TJP1: variants seen among roughly 807,000 people sequenced by gnomAD.
The protein encoded by TJP1 is tight junction protein 1, also known as tight junction protein ZO-1.
A neutral mutation model predicts 194.2 loss-of-function variants in TJP1; 43 were observed. That is an observed-to-expected ratio of 0.22 (90% CI 0.17 to 0.29). The LOEUF (loss-of-function observed/expected upper bound fraction) is 0.29, where lower values mean the gene tolerates loss of function less well. Ranked by LOEUF, TJP1 falls within the 10% of genes least tolerant of loss-of-function variation. TJP1 has a pLI of 1.00. For missense variants in TJP1, 1,971 were observed against 2,185.7 expected, an observed-to-expected ratio of 0.90 and a Z score of 1.96; for synonymous variants, 801 against 779.0, an observed-to-expected ratio of 1.03 and a Z score of -0.47.
chr15:29,741,278 GAAT>G (rs1406074599), intron 10 of TJP1, 50 bp downstream of exon 10: 2 of 1,349,696 alleles, frequency 1.5e-6, no homozygotes, highest in African/African-American at 1.5e-5. Flanking sequence ...TTCCTACTCT[GAAT>G]AATGTTAATA....
chr15:29,716,252 G>A lies in TJP1; in HGVS notation c.4202+359C>T, dbSNP rs187792942. The stretch of plus-strand genomic sequence containing the variant: ...CTCAAACAGGATCCTCCTCACATCT[G>A]TATTTATATTTAAAAAATAAAAACA... On this transcript the variant is annotated intron_variant, in intron 23 of 27. Coordinates refer to ENST00000614355, the MANE Select transcript of TJP1 (RefSeq NM_001330239.4). Among the ~76,000 whole-genome samples, 3 of 152,230 alleles carry A rather than the reference G, an allele frequency of 2.0e-5. No individual in the cohort carries two copies. In the East Asian group the frequency reaches 5.8e-4, roughly 29 times the overall value.
intron 2 of TJP1, among the ~76,000 whole-genome samples, chr15:29,899,425 C>T (rs2053572465): frequency 6.6e-6 from 1 of 152,196 alleles, no homozygotes; most frequent in Non-Finnish European, 1.5e-5. Context: ...CTCCAATTTA[C>T]TTTCCTACTT....
intron 8 of TJP1, among the ~76,000 whole-genome samples, chr15:29,752,034 T>C (rs1372121090): frequency 6.6e-6 from 1 of 151,992 alleles, no homozygotes; most frequent in African/African-American, 2.4e-5. Flanking sequence ...AAGCAGGCGA[T>C]CCTTCCACCT....
At chr15:29,857,879 A>G (rs976129783) in intron 2 of TJP1, among the ~76,000 whole-genome samples, 25 of 152,202 alleles carry the variant, frequency 1.6e-4, no homozygotes, top group Non-Finnish European at 5.9e-5. Context: ...CTCCTGCCTC[A>G]GCCTCCGGAC....
chr15:29,937,231 C>T (rs1046395966), intron 2 of TJP1, among the ~76,000 whole-genome samples: 6 of 152,090 alleles, frequency 3.9e-5, no homozygotes, highest in African/African-American at 1.4e-4. Flanking sequence ...CAGGCAAAAA[C>T]AAATTAAAAA....
At chr15:29,873,690 G>A (rs2052602923) in intron 2 of TJP1, among the ~76,000 whole-genome samples, 1 of 152,178 alleles carries the variant, frequency 6.6e-6, no homozygotes, top group South Asian at 2.1e-4. Context: ...GGTATAAGAA[G>A]ACAGACTCCA....
At position 29,715,876 on chromosome 15, in the gene TJP1, ATC is replaced by A. The variant is rs1279061277; in HGVS notation, c.4202+733_4202+734del. Among the ~76,000 whole-genome samples, 3 of 152,188 alleles carry A rather than the reference ATC, an allele frequency of 2.0e-5. No homozygotes were observed. In the East Asian group the frequency reaches 5.8e-4, roughly 29 times the overall value. The stretch of plus-strand genomic sequence containing the variant: ...AATGAATTTCTTTTGACAAATCCAC[ATC>A]TGTTTTTGTTCTTGTGGGTTTTGTT... On this transcript the variant is annotated intron_variant, in intron 23 of 27. Transcript: ENST00000614355.
At chr15:29,901,520 A>G (rs1387565798) in intron 2 of TJP1, among the ~76,000 whole-genome samples, 6 of 152,218 alleles carry the variant, frequency 3.9e-5, no homozygotes, top group Non-Finnish European at 8.8e-5. Context: ...GATCCTTGGC[A>G]GTAAACAAGT....
intron 2 of TJP1, among the ~76,000 whole-genome samples, chr15:29,923,868 C>T (rs1468796073): frequency 6.6e-6 from 1 of 152,290 alleles, no homozygotes; most frequent in African/African-American, 2.4e-5. Context: ...GGAATGTTTG[C>T]GTGACCCCTG....
chr15:29,790,383 T>C (rs554265475), intron 2 of TJP1, among the ~76,000 whole-genome samples: 1 of 152,184 alleles, frequency 6.6e-6, no homozygotes, highest in South Asian at 2.1e-4. Flanking sequence ...TGTCCAAAGA[T>C]TTTAAAAATG....
intron 2 of TJP1, among the ~76,000 whole-genome samples, chr15:29,791,031 C>G (rs541663708): frequency 4.0e-5 from 6 of 151,698 alleles, no homozygotes; most frequent in Admixed American, 1.3e-4. Flanking sequence ...TTGATATACT[C>G]GTTTCCTTTT....
intron 8 of TJP1, among the ~76,000 whole-genome samples, chr15:29,750,691 T>C (rs894797922): frequency 2.0e-5 from 3 of 152,124 alleles, no homozygotes; most frequent in African/African-American, 7.2e-5. Flanking sequence ...AGGAAATAAA[T>C]GAAGCGCTGA....
At position 29,864,237 on chromosome 15, in the gene TJP1, CAAAAAAAAAAAAAAA is replaced by C. The variant is rs397975539; in HGVS notation, c.307-63550_307-63536del. Among the ~76,000 whole-genome samples, 133 of 18,950 alleles carry C rather than the reference CAAAAAAAAAAAAAAA, an allele frequency of 7.0e-3. 3 individuals carry two copies. The highest frequency in any genetic ancestry group is 0.019 in the African/African-American group (127 of 6,670). The allele number at this position is 18,950 out of a possible 152,430, so 12.4% of individuals were successfully genotyped here. A position where few individuals can be genotyped will look rare whatever the true frequency, so the allele number is the denominator to read the frequency against. The stretch of plus-strand genomic sequence containing the variant: ...TGAAACCCCGTCTCTACTAAAAATA[CAAAAAAAAAAAAAAA>C]AAAAAAAAAAAAGCTGGGTGTGGTG... On this transcript the variant is annotated intron_variant, in intron 2 of 28. Coordinates refer to the TJP1 transcript ENST00000356107.
chr15:29,836,625 A>G (rs992200891), intron 2 of TJP1, among the ~76,000 whole-genome samples: 1 of 152,162 alleles, frequency 6.6e-6, no homozygotes, highest in Non-Finnish European at 1.5e-5. Context: ...GACAAAAACC[A>G]TAACAACATA....
chr15:29,779,679 T>C (rs531092058), intron 2 of TJP1, among the ~76,000 whole-genome samples: 4 of 152,342 alleles, frequency 2.6e-5, no homozygotes, highest in African/African-American at 9.6e-5. Flanking sequence ...TTTCCCTTTA[T>C]AGAGACTCTT....
intron 2 of TJP1, among the ~76,000 whole-genome samples, chr15:29,943,273 T>A (rs2055147501): frequency 6.6e-6 from 1 of 152,226 alleles, no homozygotes; most frequent in Non-Finnish European, 1.5e-5. Context: ...TTTCCCTAAG[T>A]GTGCAATTAG....
At chr15:29,820,883 C>T (rs897211277) in intron 1 of TJP1, among the ~76,000 whole-genome samples, 1 of 152,196 alleles carries the variant, frequency 6.6e-6, no homozygotes, top group Non-Finnish European at 1.5e-5. Context: ...AGTGTAACCG[C>T]TAGCTTCTCC....
chr15:29,831,473 CAG>C (rs1007971690), intron 2 of TJP1, among the ~76,000 whole-genome samples: 12 of 152,086 alleles, frequency 7.9e-5, no homozygotes, highest in Non-Finnish European at 1.5e-5. Flanking sequence ...TGTGCATAAA[CAG>C]AAATACAAGG....
chr15:29,848,129 T>C (rs2051489053), intron 2 of TJP1, among the ~76,000 whole-genome samples: 1 of 152,140 alleles, frequency 6.6e-6, no homozygotes, highest in Non-Finnish European at 1.5e-5. Flanking sequence ...CAAGATATGA[T>C]CAAATATGGT....
Sources: gnomAD v4.1 joint callset for allele counts (sites outside exome capture counted in the v4.1 genomes callset) on GRCh38, gnomAD v4.1.1 for gene constraint, MANE v1.5 for transcripts, NCBI Gene and HGNC (gene_info 2026-07-23, HGNC 2026-07-21) for gene names.